PCDHGB6: variants seen among roughly 807,000 people sequenced by gnomAD.
PCDHGB6 encodes the protein protocadherin gamma subfamily B, 6.
Under a neutral mutation model 59.1 loss-of-function variants are expected in PCDHGB6, and 51 were observed. The observed-to-expected ratio is 0.86, with a 90% confidence interval of 0.69 to 1.09. The LOEUF (loss-of-function observed/expected upper bound fraction) is 1.09, where lower values mean the gene tolerates loss of function less well. Among genes scored for constraint, PCDHGB6 ranks in the 50% least tolerant of loss-of-function variants. PCDHGB6 has a pLI of 0.00. For missense variants in PCDHGB6, 1,148 were observed against 1,205.1 expected, an observed-to-expected ratio of 0.95 and a Z score of 0.70; for synonymous variants, 466 against 495.1, an observed-to-expected ratio of 0.94 and a Z score of 0.78.
chr5:141,468,360 A>T (rs1249822461), intron 1 of PCDHGB6: 1 of 151,938 alleles, frequency 6.6e-6, no homozygotes, highest in East Asian at 1.9e-4. Flanking sequence ...GAAAGAAAAA[A>T]GAAATAACTC....
At chr5:141,428,466 A>G (rs1230267635) in intron 1 of PCDHGB6, 1 of 344,756 alleles carries the variant, frequency 2.9e-6, no homozygotes, top group Admixed American at 4.1e-5. Context: ...ACAATGAGGG[A>G]ACTTTGCTTT....
intron 1 of PCDHGB6, chr5:141,427,032 A>G (rs1227315080): frequency 2.2e-6 from 1 of 457,206 alleles, no homozygotes; most frequent in East Asian, 6.9e-5. Flanking sequence ...AGTCAGCCTT[A>G]GAGAGAATGT....
Position 141,491,756 on chromosome 5 carries a change from C to T in PCDHGB6, c.2419-3051C>T. The T allele has an allele frequency of 1.3e-6, 2 of 1,581,720 alleles. No individual in the cohort carries two copies. Among genetic ancestry groups the T allele is most frequent in the Non-Finnish European group, 8.6e-7 (1 of 1,165,100 alleles). ...CCTGGGGGCGGCACTGGAGAAGCCG[C>T]CCGTCCTCATAAGGGATTGAACTTG... On this transcript the variant is annotated intron_variant, in intron 1 of 3. Coordinates refer to ENST00000520790, the MANE Select transcript of PCDHGB6 (RefSeq NM_018926.3). This position sits in a 1 kb window ranked among gnomAD's most constrained non-coding sequence, Gnocchi z 6.9.
At chr5:141,478,279 G>A (rs2099443292) in intron 1 of PCDHGB6, 1 of 1,614,202 alleles carries the variant, frequency 6.2e-7, no homozygotes, top group Middle Eastern at 1.6e-4. Context: ...ACAAGTGGAA[G>A]CAGTCTAGAG....
rs759272109 is a variant in PCDHGB6, at chr5:141,420,170, G to A, written c.2418+9550G>A. ...TCCAGAATTTAATTTTTTCACATCTGTTGATCATTGTCCAGCCACACAAGA... is the reference window on the plus strand; with the variant it reads ...TCCAGAATTTAATTTTTTCACATCTATTGATCATTGTCCAGCCACACAAGA... On this transcript the variant is annotated intron_variant, in intron 1 of 3. Coordinates refer to ENST00000520790, the MANE Select transcript of PCDHGB6 (RefSeq NM_018926.3). 22 of 1,613,846 alleles carry A rather than the reference G, an allele frequency of 1.4e-5. No homozygotes were observed. Among genetic ancestry groups the A allele is most frequent in the Non-Finnish European group, 1.8e-5 (21 of 1,179,888 alleles).
rs117345436 is a variant in PCDHGB6 at position 141,492,015 on chromosome 5, G to T, written c.2419-2792G>T. 1,356 of 600,608 alleles carry T rather than the reference G, an allele frequency of 2.3e-3. 40 individuals carry two copies. The East Asian group carries it at 0.038, about 17-fold the overall frequency. The allele number at this position is 600,608 out of a possible 1,614,324, so 37.2% of individuals were successfully genotyped here. A position where few individuals can be genotyped will look rare whatever the true frequency, so the allele number is the denominator to read the frequency against. ...ATTTCGGGCGATTTCCGCGGGTGTC[G>T]GGGGTCCCGGGAGGAGGCAGTCACA... On this transcript the variant is annotated intron_variant, in intron 1 of 3. Transcript: ENST00000520790.
At position 141,486,114 on chromosome 5, in the gene PCDHGB6, A is replaced by G; in HGVS notation, c.2419-8693A>G. On this transcript the variant is annotated intron_variant, in intron 1 of 3. Coordinates refer to ENST00000520790, the MANE Select transcript of PCDHGB6 (RefSeq NM_018926.3). This position sits in a 1 kb window ranked among gnomAD's most constrained non-coding sequence, Gnocchi z 5.0. ...GGGCCCCTAGACTTTGAGAGTGAGAATTACTATGAATTTGATGTGCGGGCT... is the reference window on the plus strand; with the variant it reads ...GGGCCCCTAGACTTTGAGAGTGAGAGTTACTATGAATTTGATGTGCGGGCT... 3 of 1,614,082 alleles carry G rather than the reference A, an allele frequency of 1.9e-6. No individual in the cohort carries two copies. Among genetic ancestry groups the G allele is most frequent in the South Asian group, 2.2e-5 (2 of 91,072 alleles).
At chr5:141,479,084 G>A (rs749298402) in intron 1 of PCDHGB6, among the ~76,000 whole-genome samples, 19 of 152,016 alleles carry the variant, frequency 1.2e-4, no homozygotes, top group Non-Finnish European at 1.9e-4. Flanking sequence ...GAAATTCCAG[G>A]CATCCTTTAA....
rs566049956 is a variant in PCDHGB6 at position 141,511,685 on chromosome 5, G to A, written c.*512G>A. 1.0e-5 allele frequency: 2 copies of A among 198,374 alleles called. No individual in the cohort carries two copies. Among genetic ancestry groups the A allele is most frequent in the Non-Finnish European group, 2.1e-5 (2 of 94,428 alleles). The allele number at this position is 198,374 out of a possible 1,614,324, so 12.3% of individuals were successfully genotyped here. On this transcript the variant is annotated 3_prime_UTR_variant, in exon 4 of 4. Coordinates refer to ENST00000520790, the MANE Select transcript of PCDHGB6 (RefSeq NM_018926.3). ...GATTCTCAATCTTCCCCCAAAGCAT[G>A]GTTTGGTGCCAGCCCCTTCACCTCC...
In PCDHGB6 at chr5:141,418,134, G is replaced by A. The variant is rs367774534; in HGVS notation, c.2418+7514G>A. ...TTACTTGTGAAGGACCGAATAGACC[G>A]TGAGCAAATATGCAAAGAGAGAAGA... On this transcript the variant is annotated intron_variant, in intron 1 of 3. Transcript: ENST00000520790. The A allele has an allele frequency of 3.1e-6, 5 of 1,613,970 alleles. No individual in the cohort carries two copies. In the African/African-American group the frequency reaches 4.0e-5, roughly 13 times the overall value.
intron 1 of PCDHGB6, chr5:141,419,409 A>G: frequency 6.2e-7 from 1 of 1,613,462 alleles, no homozygotes; most frequent in Non-Finnish European, 8.5e-7. Flanking sequence ...GTGTTCGCGC[A>G]GCGCGCCTTC....
At chr5:141,443,029 C>T (rs1281303741) in intron 1 of PCDHGB6, among the ~76,000 whole-genome samples, 3 of 152,192 alleles carry the variant, frequency 2.0e-5, no homozygotes, top group Non-Finnish European at 2.9e-5. Flanking sequence ...AGTTGCCAGA[C>T]CTAAACTTTG....
Position 141,414,827 on chromosome 5 carries a change from C to T in PCDHGB6, c.2418+4207C>T, listed in dbSNP as rs1253521902. On this transcript the variant is annotated intron_variant, in intron 1 of 3. Coordinates refer to ENST00000520790, the MANE Select transcript of PCDHGB6 (RefSeq NM_018926.3). Reference sequence around the variant, plus strand: ...GATCCTCCACTCAGCAGCAACGTGTCGTTGAGCCTGTTTGTGCTGGACCAG... The same window carrying T: ...GATCCTCCACTCAGCAGCAACGTGTTGTTGAGCCTGTTTGTGCTGGACCAG... 1.9e-6 allele frequency: 3 copies of T among 1,614,116 alleles called. No individual in the cohort carries two copies. Among genetic ancestry groups the T allele is most frequent in the African/African-American group, 1.3e-5 (1 of 74,946 alleles).
rs570765907 is a variant in PCDHGB6, at chr5:141,414,583, G to T, written c.2418+3963G>T. The T allele has an allele frequency of 5.6e-6, 9 of 1,613,854 alleles. No individual in the cohort carries two copies. In the South Asian group the frequency reaches 8.8e-5, roughly 16 times the overall value. On this transcript the variant is annotated intron_variant, in intron 1 of 3. Coordinates refer to ENST00000520790, the MANE Select transcript of PCDHGB6 (RefSeq NM_018926.3). Reference sequence around the variant, plus strand: ...CTTTACCTATATCCCAGAGAACAACGCCAGGGGTGCCTCCATCTTCTCAGT... The same window carrying T: ...CTTTACCTATATCCCAGAGAACAACTCCAGGGGTGCCTCCATCTTCTCAGT...
chr5:141,441,797 G>A, intron 1 of PCDHGB6: 2 of 386,536 alleles, frequency 5.2e-6, no homozygotes, highest in Non-Finnish European at 1.0e-5. Context: ...ACAACGCACC[G>A]CGGGTGCTGT....
intron 1 of PCDHGB6, among the ~76,000 whole-genome samples, chr5:141,445,264 G>A (rs566395616): frequency 1.4e-4 from 22 of 152,276 alleles, no homozygotes; most frequent in Admixed American, 1.4e-3. Flanking sequence ...AATATAAGTC[G>A]AAACCACTCT....
intron 1 of PCDHGB6, among the ~76,000 whole-genome samples, chr5:141,471,071 C>T (rs1208702673): frequency 7.7e-6 from 1 of 129,696 alleles, no homozygotes; most frequent in Non-Finnish European, 1.6e-5. Context: ...TTTTTTGAGA[C>T]AGGGTCTCCC....
In PCDHGB6 at chr5:141,477,029, A is replaced by C; in HGVS notation, c.2419-17778A>C. 6.2e-7 allele frequency: 1 copy of C among 1,614,238 alleles called. No homozygotes were observed. The highest frequency in any genetic ancestry group is 8.5e-7 in the Non-Finnish European group (1 of 1,180,040). Reference sequence around the variant, plus strand: ...CTTAGACCTTGTAACCGGGATGCTGACAATCAAGGGTCGGCTGGACTTCGA... The same window carrying C: ...CTTAGACCTTGTAACCGGGATGCTGCCAATCAAGGGTCGGCTGGACTTCGA... On this transcript the variant is annotated intron_variant, in intron 1 of 3. Transcript: ENST00000520790. This position sits in a 1 kb window ranked among gnomAD's most constrained non-coding sequence, Gnocchi z 4.9.
intron 1 of PCDHGB6, chr5:141,427,597 T>C: frequency 1.5e-6 from 1 of 682,152 alleles, no homozygotes; most frequent in Non-Finnish European, 2.7e-6. Context: ...AGCCTCACCC[T>C]ACGCATTGGT....
Sources: allele counts gnomAD v4.1 joint callset (sites outside exome capture counted in the v4.1 genomes callset), GRCh38; gene constraint gnomAD v4.1.1; non-coding constraint Gnocchi (gnomAD v3.1); transcripts MANE v1.5; gene names NCBI Gene and HGNC (gene_info 2026-07-23, HGNC 2026-07-21).